SND1: variants seen among roughly 807,000 people sequenced by gnomAD.
SND1 encodes staphylococcal nuclease domain-containing protein 1.
Under a neutral mutation model 121.7 loss-of-function variants are expected in SND1, and 38 were observed. That is an observed-to-expected ratio of 0.31 (90% CI 0.24 to 0.41). SND1 has a LOEUF of 0.41. SND1 is among the 10% of genes least tolerant of loss of function. The probability of loss-of-function intolerance (pLI) is 1.00; values close to 1 mark genes in which losing one functional copy is unlikely to be tolerated. For missense variants in SND1, 868 were observed against 1,184.6 expected (o/e 0.73, Z 3.92); for synonymous variants, 401 against 447.4 (o/e 0.90, Z 1.31).
At chr7:127,708,411 C>T (rs1012795513) in intron 9 of SND1, among the ~76,000 whole-genome samples, 4 of 20,474 alleles carry the variant, frequency 2.0e-4, no homozygotes, top group Admixed American at 1.8e-3. Flanking sequence ...CCCTTCCTCC[C>T]TTCCTGCCTT....
intron 16 of SND1, among the ~76,000 whole-genome samples, chr7:128,054,227 G>C (rs558455679): frequency 3.3e-5 from 5 of 152,314 alleles, no homozygotes; most frequent in Non-Finnish European, 4.4e-5. Context: ...GCCCTCCAGT[G>C]GCAGGAAGGC....
At chr7:127,901,833 T>C (rs1254376138) in intron 13 of SND1, among the ~76,000 whole-genome samples, 2 of 152,208 alleles carry the variant, frequency 1.3e-5, no homozygotes, top group African/African-American at 2.4e-5. Context: ...TTGAACGTTT[T>C]CCCAAAATTT....
At chr7:127,702,328 C>A in intron 5 of SND1, 107 bp from the exon 6 acceptor site, 1 of 963,516 alleles carries the variant, frequency 1.0e-6, no homozygotes, top group African/African-American at 1.6e-5. Flanking sequence ...GAGGCTTTCT[C>A]AGGGTTTTTG....
intron 10 of SND1, among the ~76,000 whole-genome samples, chr7:127,766,618 A>T (rs1166881372): frequency 6.6e-6 from 1 of 151,848 alleles, no homozygotes; most frequent in Non-Finnish European, 1.5e-5. Flanking sequence ...TACTAAAAAT[A>T]CAAAAAATTA....
At chr7:128,043,114 G>T (rs1043927512) in intron 16 of SND1, among the ~76,000 whole-genome samples, 1 of 152,136 alleles carries the variant, frequency 6.6e-6, no homozygotes, top group African/African-American at 2.4e-5. Flanking sequence ...CTCCATCTTA[G>T]GCCACATCTC....
chr7:127,761,752 T>G (rs1356111768), intron 10 of SND1, among the ~76,000 whole-genome samples: 1 of 152,226 alleles, frequency 6.6e-6, no homozygotes, highest in Non-Finnish European at 1.5e-5. Flanking sequence ...AAAAGCAGTT[T>G]CTCTTATTTG....
At chr7:127,892,426 T>C (rs543032343) in intron 13 of SND1, among the ~76,000 whole-genome samples, 27 of 152,226 alleles carry the variant, frequency 1.8e-4, no homozygotes, top group African/African-American at 6.5e-4. Flanking sequence ...CTCTACCACA[T>C]CAGCAGCTCT....
intron 10 of SND1, among the ~76,000 whole-genome samples, chr7:127,806,834 C>G (rs1233677172): frequency 6.6e-6 from 1 of 152,146 alleles, no homozygotes; most frequent in African/African-American, 2.4e-5. Flanking sequence ...TGACACATGC[C>G]TGTAATCCCA....
chr7:127,865,849 G>A (rs2116691042), intron 12 of SND1, among the ~76,000 whole-genome samples: 1 of 150,170 alleles, frequency 6.7e-6, no homozygotes, highest in Admixed American at 6.6e-5. Flanking sequence ...ATTTTATGTG[G>A]TATTTTGTTA....
chr7:128,080,522 C>T (rs1160966064), intron 17 of SND1, among the ~76,000 whole-genome samples: 2 of 152,244 alleles, frequency 1.3e-5, no homozygotes, highest in African/African-American at 4.8e-5. Context: ...CAGCCTAGGG[C>T]TGTGGCTTGG....
Position 127,940,025 on chromosome 7 carries a change from G to A in SND1, c.1669+10696G>A, listed in dbSNP as rs893584076. Among the ~76,000 whole-genome samples the A allele has an allele frequency of 3.3e-5, 5 of 152,192 alleles. No individual in the cohort carries two copies. The East Asian group carries it at 9.6e-4, about 29-fold the overall frequency. ...AGCTAATGAGGCCAGTGGAGTAGTA[G>A]AGAAGGTCAGTCCTGTGAGCTTTTC... On this transcript the variant is annotated intron_variant, in intron 15 of 23. Coordinates refer to ENST00000354725, the MANE Select transcript of SND1 (RefSeq NM_014390.4).
intron 11 of SND1, among the ~76,000 whole-genome samples, chr7:127,812,772 A>C (rs1798357329): frequency 6.6e-6 from 1 of 152,124 alleles, no homozygotes; most frequent in South Asian, 2.1e-4. Flanking sequence ...CTGGCTATTT[A>C]TCAGGGTTGT....
intron 15 of SND1, among the ~76,000 whole-genome samples, chr7:127,930,133 C>A (rs994973830): frequency 6.6e-6 from 1 of 152,094 alleles, no homozygotes; most frequent in Non-Finnish European, 1.5e-5. Flanking sequence ...CACCACCACC[C>A]CCACCCCGCC....
At chr7:127,742,203 G>C (rs1796893170) in intron 10 of SND1, among the ~76,000 whole-genome samples, 2 of 152,184 alleles carry the variant, frequency 1.3e-5, no homozygotes, top group South Asian at 4.1e-4. Context: ...ATCCAAGCCA[G>C]AACTGATGAG....
rs114415418 is a variant in SND1 at position 128,035,139 on chromosome 7, G to A, written c.1780-39363G>A. Among the ~76,000 whole-genome samples the A allele has an allele frequency of 4.9e-3, 753 of 152,368 alleles. 14 individuals carry two copies. The highest frequency in any genetic ancestry group is 0.017 in the African/African-American group (722 of 41,588). On this transcript the variant is annotated intron_variant, in intron 16 of 23. Coordinates refer to ENST00000354725, the MANE Select transcript of SND1 (RefSeq NM_014390.4). Reference sequence around the variant, plus strand: ...TATTATAGAATGAGCCCTGTGCTAAGATTGGGATACCTGAGTTCTAGTCCC... The same window carrying A: ...TATTATAGAATGAGCCCTGTGCTAAAATTGGGATACCTGAGTTCTAGTCCC...
chr7:128,009,485 C>G (rs1384692939), intron 16 of SND1, among the ~76,000 whole-genome samples: 2 of 152,230 alleles, frequency 1.3e-5, no homozygotes, highest in Non-Finnish European at 2.9e-5. Flanking sequence ...ACAGAACTTT[C>G]TATGTTGGTG....
intron 10 of SND1, among the ~76,000 whole-genome samples, chr7:127,771,283 T>C (rs1027911488): frequency 1.3e-5 from 2 of 152,194 alleles, no homozygotes; most frequent in Non-Finnish European, 2.9e-5. Flanking sequence ...ACTATTGGTT[T>C]CCCAAGGGAC....
At chr7:127,922,885 C>G (rs1475240463) in intron 14 of SND1, among the ~76,000 whole-genome samples, 1 of 152,202 alleles carries the variant, frequency 6.6e-6, no homozygotes, top group Non-Finnish European at 1.5e-5. Flanking sequence ...GAGCTCAGAG[C>G]CTGGGCTGCG....
intron 8 of SND1, among the ~76,000 whole-genome samples, chr7:127,706,560 G>A (rs975677783): frequency 1.3e-5 from 2 of 152,022 alleles, no homozygotes; most frequent in Non-Finnish European, 2.9e-5. Context: ...GCCTGGCCCA[G>A]TATCTTGCCT....
Sources: gnomAD v4.1 joint callset for allele counts (sites outside exome capture counted in the v4.1 genomes callset) on GRCh38, gnomAD v4.1.1 for gene constraint, MANE v1.5 for transcripts, NCBI Gene and HGNC (gene_info 2026-07-23, HGNC 2026-07-21) for gene names.